The following NYAP1 variants were observed in gnomAD, a reference collection of about 807,000 sequenced individuals.
The protein encoded by NYAP1 is neuronal tyrosine-phosphorylated phosphoinositide-3-kinase adapter 1.
NYAP1 carries 20 observed loss-of-function variants against 58.6 expected under a neutral mutation model. That is an observed-to-expected ratio of 0.34 (90% confidence interval 0.24 to 0.50). The LOEUF (loss-of-function observed/expected upper bound fraction) is 0.50. NYAP1 is among the 20% of genes least tolerant of loss of function. The probability of loss-of-function intolerance (pLI) is 0.98; values close to 1 mark genes in which losing one functional copy is unlikely to be tolerated. For missense variants in NYAP1, 1,150 were observed against 1,194.5 expected (o/e 0.96, Z 0.55); for synonymous variants, 572 against 523.1 (o/e 1.09, Z -1.27).
Position 100,490,296 on chromosome 7 carries a change from T to C in NYAP1, c.1946-221T>C, listed in dbSNP as rs1358379582. On this transcript the variant is annotated intron_variant, in intron 4 of 6. Coordinates refer to ENST00000300179, the MANE Select transcript of NYAP1 (RefSeq NM_173564.4). This position sits in a 1 kb window ranked among gnomAD's most constrained non-coding sequence, Gnocchi z 4.6. ...AGGGTTTGGATGCAGCACATAGACA[T>C]GATTCTCAGCCCCAAGAGATGGTAC... is the stretch of plus-strand genomic sequence containing the variant. 1.3e-5 allele frequency among the ~76,000 whole-genome samples: 2 copies of C among 151,976 alleles called. No individual in the cohort carries two copies. Among genetic ancestry groups the C allele is most frequent in the Admixed American group, 1.3e-4 (2 of 15,270 alleles).
At position 100,489,507 on chromosome 7, in the gene NYAP1, G is replaced by T. The variant is rs557553256; in HGVS notation, c.1786G>T (p.Asp596Tyr). The T allele has an allele frequency of 1.2e-6, 2 of 1,613,348 alleles. No homozygotes were observed. Among genetic ancestry groups the T allele is most frequent in the Admixed American group, 3.3e-5 (2 of 59,996 alleles). The change falls in exon 4 of 7, where the codon GAT (aspartate) becomes TAT (tyrosine). Residue 596 changes from aspartate (D) to tyrosine (Y), a missense_variant. Physicochemically the swap from Asp to Tyr is radical, Grantham distance 160. Coordinates refer to ENST00000300179, the MANE Select transcript of NYAP1 (RefSeq NM_173564.4). The part of the protein sequence containing the change: ...VKIQLQEQGT[D>Y]GGAFASISCA... ...GATCCAGCTGCAGGAGCAAGGGACCGATGGGGGTGCTTTTGCCAGCATCTC... is the reference window on the plus strand; with the variant it reads ...GATCCAGCTGCAGGAGCAAGGGACCTATGGGGGTGCTTTTGCCAGCATCTC...
rs1030401300 is a variant in NYAP1 at position 100,485,785 on chromosome 7, C to G, written c.68+406C>G. On this transcript the variant is annotated intron_variant, in intron 2 of 6. Transcript: ENST00000300179. This position sits in a 1 kb window ranked among gnomAD's most constrained non-coding sequence, Gnocchi z 5.7. Reference sequence around the variant, plus strand: ...GCATCAGAGAACATCCACTTGGCCTCCTCCCAGTTTTCCCTGCTGGGGGAG... The same window carrying G: ...GCATCAGAGAACATCCACTTGGCCTGCTCCCAGTTTTCCCTGCTGGGGGAG... Among the ~76,000 whole-genome samples the G allele has an allele frequency of 1.3e-5, 2 of 152,200 alleles. No individual in the cohort carries two copies. The highest frequency in any genetic ancestry group is 2.9e-5 in the Non-Finnish European group (2 of 68,030).
rs1799790516 is a variant in NYAP1, at chr7:100,491,092, C to A, written c.2265C>A (p.Ser755Arg). The A allele has an allele frequency of 4.5e-6, 7 of 1,542,690 alleles. No individual in the cohort carries two copies. Among genetic ancestry groups the A allele is most frequent in the Non-Finnish European group, 6.1e-6 (7 of 1,138,944 alleles). Residue 755 changes from serine (S) to arginine (R), a missense_variant, in exon 6 of 7, where the codon AGC becomes AGA. Physicochemically the swap from Ser to Arg is moderately radical, Grantham distance 110. Transcript: ENST00000300179. ...RPCSQPRDAL[S>R]QPHPALPLPL... Reference sequence around the variant, plus strand: ...GCAGCCAGCCCAGGGATGCCCTGAGCCAGGTGAGGCTTGGTTTTTCTTTTA... The same window carrying A: ...GCAGCCAGCCCAGGGATGCCCTGAGACAGGTGAGGCTTGGTTTTTCTTTTA...
At position 100,488,617 on chromosome 7, in the gene NYAP1, C is replaced by T. The variant is rs771921544; in HGVS notation, c.896C>T (p.Ala299Val). The change falls in exon 4 of 7, where the codon GCC becomes GTC. Residue 299 changes from alanine to valine, a missense_variant. Physicochemically the swap from Ala to Val is moderately conservative, Grantham distance 64 (BLOSUM62 0). Transcript: ENST00000300179. This position sits in a 1 kb window ranked among gnomAD's most constrained non-coding sequence, Gnocchi z 5.9. ...CAGCCTCACGCCCTTCCGCCCCATG[C>T]CCACCGCCGCCCAGCTTCAGCCCTC... Reference protein sequence around the residue: ...PQQPHALPPHAHRRPASALPS... With the variant: ...PQQPHALPPHVHRRPASALPS... 1 of 1,610,106 alleles carries T rather than the reference C, an allele frequency of 6.2e-7. No homozygotes were observed. The highest frequency in any genetic ancestry group is 1.1e-5 in the South Asian group (1 of 90,858).
intron 6 of NYAP1, among the ~76,000 whole-genome samples, chr7:100,491,322 T>TG (rs1194703245): frequency 6.6e-6 from 1 of 151,886 alleles, no homozygotes; most frequent in Non-Finnish European, 1.5e-5. Flanking sequence ...GAAGGCTAGT[T>TG]GCAGTGGCTC....
chr7:100,490,496 C>T lies in NYAP1; in HGVS notation c.1946-21C>T. On this transcript the variant is annotated intron_variant, in intron 4 of 6. Coordinates refer to ENST00000300179, the MANE Select transcript of NYAP1 (RefSeq NM_173564.4). The surrounding 1 kb of genome is among the most constrained non-coding windows in gnomAD (Gnocchi z 4.6). ...ACGCCTCCAACATGCAGGCACACAG[C>T]TCTCCTTGTCATCCCAGCAGAGGTC... The T allele has an allele frequency of 6.4e-7, 1 of 1,564,070 alleles. No individual in the cohort carries two copies. Among genetic ancestry groups the T allele is most frequent in the Non-Finnish European group, 8.7e-7 (1 of 1,153,472 alleles).
chr7:100,490,448 T>C lies in NYAP1; in HGVS notation c.1946-69T>C. 15 of 1,424,390 alleles carry C rather than the reference T, an allele frequency of 1.1e-5. No individual in the cohort carries two copies. The highest frequency in any genetic ancestry group is 1.5e-5 in the Non-Finnish European group (15 of 1,031,598). 88.2% of individuals were successfully genotyped at this position (1,424,390 alleles called of 1,614,324 possible). On this transcript the variant is annotated intron_variant, in intron 4 of 6. Transcript: ENST00000300179. This position sits in a 1 kb window ranked among gnomAD's most constrained non-coding sequence, Gnocchi z 4.6. ...CTCCTGGTCCACCCATACTGCAGCA[T>C]GTGTGGCCAGAGGGACAGAATGACG...
intron 6 of NYAP1, 117 bp from the exon 7 acceptor site, chr7:100,493,529 G>T (rs1381904878): frequency 5.4e-6 from 5 of 927,356 alleles, no homozygotes; most frequent in South Asian, 1.8e-5. Flanking sequence ...CCGTTGGGGG[G>T]CAAGCAAGGA....
rs1799836223 is a variant in NYAP1 at position 100,494,029 on chromosome 7, C to T, written c.*126C>T. On this transcript the variant is annotated 3_prime_UTR_variant, in exon 7 of 7. Transcript: ENST00000300179. ...GAGAGTGCCAGGGAGAACCCCTGCC[C>T]TCCAACCTACCCCCCGGGATGGGGA... 3.7e-6 allele frequency: 3 copies of T among 821,496 alleles called. No individual in the cohort carries two copies. The highest frequency in any genetic ancestry group is 5.3e-6 in the Non-Finnish European group (3 of 567,234). 50.9% of individuals were successfully genotyped at this position (821,496 alleles called of 1,614,324 possible).
rs1000800040 is a variant in NYAP1 at position 100,490,242 on chromosome 7, G to A, written c.1946-275G>A. 2.6e-5 allele frequency among the ~76,000 whole-genome samples: 4 copies of A among 152,138 alleles called. No homozygotes were observed. Among genetic ancestry groups the A allele is most frequent in the South Asian group, 2.1e-4 (1 of 4,834 alleles). On this transcript the variant is annotated intron_variant, in intron 4 of 6. Coordinates refer to ENST00000300179, the MANE Select transcript of NYAP1 (RefSeq NM_173564.4). The surrounding 1 kb of genome is among the most constrained non-coding windows in gnomAD (Gnocchi z 4.6). ...GGAGGGGCTTGGAAGCTAAAGCTGC[G>A]GTTGGGGAGGCCCCTCTGACCAGGG...
At chr7:100,489,742 A>T (rs866631791) in intron 4 of NYAP1, 76 bp downstream of exon 4, 13 of 878,840 alleles carry the variant, frequency 1.5e-5, no homozygotes, top group Non-Finnish European at 1.7e-5. Context: ...GGTTTGGGGG[A>T]GGTGTTGGAG....
At position 100,489,395 on chromosome 7, in the gene NYAP1, C is replaced by G. The variant is rs1563189164; in HGVS notation, c.1674C>G (p.Leu558=). The G allele has an allele frequency of 1.9e-6, 3 of 1,612,958 alleles. No homozygotes were observed. In the Admixed American group the frequency reaches 5.0e-5, roughly 27 times the overall value. ...LWTYPATAAG[L]KRPPAYESLK... is the part of the protein sequence containing the mutation. ...CCTACCCAGCCACAGCAGCTGGGCT[C>G]AAGAGACCCCCTGCCTATGAGAGCC... The change falls in exon 4 of 7, where the codon CTC becomes CTG. Residue 558 remains leucine (L), a synonymous_variant. Transcript: ENST00000300179.
Position 100,486,239 on chromosome 7 carries a change from G to GTGGAA in NYAP1, c.69-573_69-569dup. 6.6e-6 allele frequency among the ~76,000 whole-genome samples: 1 copy of GTGGAA among 152,196 alleles called. No homozygotes were observed. Among genetic ancestry groups the GTGGAA allele is most frequent in the East Asian group, 1.9e-4 (1 of 5,174 alleles). Reference sequence around the variant, plus strand: ...CCACTCAGACAGAAGCTCAGGGACAGTGGAATGGAATGGGGGTGAGCCGGG... The same window carrying GTGGAA: ...CCACTCAGACAGAAGCTCAGGGACAGTGGAATGGAATGGAATGGGGGTGAGCCGGG... On this transcript the variant is annotated intron_variant, in intron 2 of 6. Transcript: ENST00000300179. The surrounding 1 kb of genome is among the most constrained non-coding windows in gnomAD (Gnocchi z 6.2).
Position 100,490,502 on chromosome 7 carries a change from T to C in NYAP1, c.1946-15T>C. On this transcript the variant is annotated splice_polypyrimidine_tract_variant and intron_variant, in intron 4 of 6. Transcript: ENST00000300179. The surrounding 1 kb of genome is among the most constrained non-coding windows in gnomAD (Gnocchi z 4.6). ...CCAACATGCAGGCACACAGCTCTCCTTGTCATCCCAGCAGAGGTCGAGGAC... is the reference window on the plus strand; with the variant it reads ...CCAACATGCAGGCACACAGCTCTCCCTGTCATCCCAGCAGAGGTCGAGGAC... 1 of 1,569,700 alleles carries C rather than the reference T, an allele frequency of 6.4e-7. No individual in the cohort carries two copies. Among genetic ancestry groups the C allele is most frequent in the Non-Finnish European group, 8.6e-7 (1 of 1,157,172 alleles).
Position 100,491,088 on chromosome 7 carries a change from T to A in NYAP1, c.2261T>A (p.Leu754Gln). 6.5e-7 allele frequency: 1 copy of A among 1,546,520 alleles called. No homozygotes were observed. Among genetic ancestry groups the A allele is most frequent in the East Asian group, 2.4e-5 (1 of 41,284 alleles). The part of the protein sequence containing the change: ...PRPCSQPRDA[L>Q]SQPHPALPLP... ...CCCTGCAGCCAGCCCAGGGATGCCC[T>A]GAGCCAGGTGAGGCTTGGTTTTTCT... Residue 754 changes from leucine (L) to glutamine (Q), a missense_variant, in exon 6 of 7, where the codon CTG becomes CAG. Transcript: ENST00000300179.
rs1437862894 is a variant in NYAP1, at chr7:100,490,772, G to A, written c.2158+43G>A. 1.3e-5 allele frequency: 19 copies of A among 1,452,654 alleles called. No individual in the cohort carries two copies. The highest frequency in any genetic ancestry group is 1.6e-5 in the Non-Finnish European group (18 of 1,093,728). The allele number at this position is 1,452,654 out of a possible 1,614,324, so 90.0% of individuals were successfully genotyped here. On this transcript the variant is annotated intron_variant, in intron 5 of 6. Coordinates refer to ENST00000300179, the MANE Select transcript of NYAP1 (RefSeq NM_173564.4). This position sits in a 1 kb window ranked among gnomAD's most constrained non-coding sequence, Gnocchi z 4.6. ...CACCTGTGCACAGCGGGGCTGGCTG[G>A]GGGATCTCCCGGGGTCTAGCTGCAC... is the stretch of plus-strand genomic sequence containing the variant.
At chr7:100,493,248 T>C (rs1195251146) in intron 6 of NYAP1, among the ~76,000 whole-genome samples, 1 of 152,102 alleles carries the variant, frequency 6.6e-6, no homozygotes, top group African/African-American at 2.4e-5. Flanking sequence ...TCCCAGCTAC[T>C]TGGGAGGGAG....
intron 6 of NYAP1, 122 bp downstream of exon 6, chr7:100,491,217 TGGGA>T: frequency 1.5e-6 from 1 of 648,634 alleles, no homozygotes; most frequent in Non-Finnish European, 2.6e-6. Context: ...CCCAGCACTT[TGGGA>T]GGCCAAGGTG....
In NYAP1 at chr7:100,494,335, T is replaced by G; in HGVS notation, c.*432T>G. 1 of 162,174 alleles carries G rather than the reference T, an allele frequency of 6.2e-6. No homozygotes were observed. Among genetic ancestry groups the G allele is most frequent in the Non-Finnish European group, 1.3e-5 (1 of 75,404 alleles). 10.0% of individuals were successfully genotyped at this position (162,174 alleles called of 1,614,324 possible). A position where few individuals can be genotyped will look rare whatever the true frequency, so the allele number is the denominator to read the frequency against. ...CGGGAGTTGGGGAGGGGGTATTTAT[T>G]TTGTTATTTATTTCAGTCTGGAGGG... On this transcript the variant is annotated 3_prime_UTR_variant, in exon 7 of 7. Transcript: ENST00000300179.
Sources: gnomAD v4.1 joint callset for allele counts (sites outside exome capture counted in the v4.1 genomes callset) on GRCh38, gnomAD v4.1.1 for gene constraint, Gnocchi (gnomAD v3.1) non-coding constraint, MANE v1.5 for transcripts, NCBI Gene and HGNC (gene_info 2026-07-23, HGNC 2026-07-21) for gene names.